The following TAB1 variants were observed in gnomAD, a reference collection of about 807,000 sequenced individuals.
TAB1 encodes the protein TGF-beta activated kinase 1 (MAP3K7) binding protein 1.
In TAB1, 30 loss-of-function variants were observed where a neutral mutation model predicts 54.5. That is an observed-to-expected ratio of 0.55 (90% CI 0.41 to 0.75). The LOEUF is 0.75. TAB1 is among the 30% of genes least tolerant of loss of function. TAB1 has a pLI of 0.00. For synonymous variants in TAB1, 289 were observed against 286.9 expected (o/e 1.01, Z -0.07); for missense variants, 609 against 683.2 (o/e 0.89, Z 1.21).
chr22:39,433,462 A>AG (rs1236876736), downstream of TAB1: 1 of 984,140 alleles, frequency 1.0e-6, no homozygotes, highest in African/African-American at 1.8e-5. Flanking sequence ...CAAGAAAAAA[A>AG]AAAAAGACAT....
chr22:39,403,377 A>G (rs1569191758), intron 1 of TAB1, among the ~76,000 whole-genome samples: 1 of 152,220 alleles, frequency 6.6e-6, no homozygotes, highest in East Asian at 1.9e-4. Context: ...AAACGGGGAA[A>G]TGGGGGCAGC....
At chr22:39,408,127 T>G (rs1385956888) in intron 1 of TAB1, among the ~76,000 whole-genome samples, 1 of 152,228 alleles carries the variant, frequency 6.6e-6, no homozygotes, top group African/African-American at 2.4e-5. Flanking sequence ...GTTTATAAAA[T>G]AATAAATTCC....
chr22:39,426,499 C>T (rs1927343306), intron 8 of TAB1, among the ~76,000 whole-genome samples: 1 of 152,220 alleles, frequency 6.6e-6, no homozygotes, highest in Non-Finnish European at 1.5e-5. Flanking sequence ...ATCACAAGAG[C>T]ACACACTTCC....
At chr22:39,426,598 G>A in intron 8 of TAB1, 105 bp from the exon 9 acceptor site, 1 of 1,004,100 alleles carries the variant, frequency 1.0e-6, no homozygotes, top group South Asian at 1.6e-5. Context: ...TCACCTGCTG[G>A]GCTGTTGACC....
At chr22:39,425,033 C>T (rs1268307625) in intron 8 of TAB1, among the ~76,000 whole-genome samples, 1 of 152,250 alleles carries the variant, frequency 6.6e-6, no homozygotes, top group East Asian at 1.9e-4. Flanking sequence ...CTCCCATACC[C>T]CTACAACCAT....
At chr22:39,411,980 A>G (rs1280472074) in intron 1 of TAB1, among the ~76,000 whole-genome samples, 2 of 152,224 alleles carry the variant, frequency 1.3e-5, no homozygotes, top group African/African-American at 4.8e-5. Flanking sequence ...AGCCAGTCTC[A>G]GGAGGTCATG....
At chr22:39,417,684 G>T in intron 4 of TAB1, 27 bp from the exon 5 acceptor site, 1 of 1,588,240 alleles carries the variant, frequency 6.3e-7, no homozygotes, top group Non-Finnish European at 8.6e-7. Flanking sequence ...GTTCTGTCCT[G>T]CCCTGACCCT....
At chr22:39,401,225 A>G (rs576023216) in intron 1 of TAB1, among the ~76,000 whole-genome samples, 29 of 152,316 alleles carry the variant, frequency 1.9e-4, no homozygotes, top group African/African-American at 7.0e-4. Flanking sequence ...GTGAGTAGAC[A>G]TTGGCTCAGG....
chr22:39,431,887 G>T, downstream of TAB1: 1 of 985,322 alleles, frequency 1.0e-6, no homozygotes, highest in Non-Finnish European at 1.2e-6. Flanking sequence ...TATTAATAGC[G>T]CTGTTGCTCA....
intron 6 of TAB1, 61 bp from the exon 7 acceptor site, chr22:39,419,458 C>T: frequency 1.4e-6 from 2 of 1,381,130 alleles, no homozygotes; most frequent in South Asian, 1.3e-5. Flanking sequence ...GTCTCTGTCC[C>T]CTTCTTTTTG....
At chr22:39,411,518 A>G (rs961451885) in intron 1 of TAB1, among the ~76,000 whole-genome samples, 5 of 152,250 alleles carry the variant, frequency 3.3e-5, no homozygotes, top group Admixed American at 3.3e-4. Context: ...TAGGAAGTGC[A>G]GATTAAAGTC....
chr22:39,425,218 C>T (rs975474197), intron 8 of TAB1, among the ~76,000 whole-genome samples: 1 of 124,464 alleles, frequency 8.0e-6, no homozygotes. Context: ...ACTAAAAATA[C>T]AAAAAAAAAA....
downstream of TAB1, chr22:39,433,553 G>A: frequency 1.0e-6 from 1 of 985,454 alleles, no homozygotes; most frequent in Non-Finnish European, 1.2e-6. Context: ...CAGGACGGGG[G>A]CAGGTGGTCT....
intron 1 of TAB1, among the ~76,000 whole-genome samples, chr22:39,411,997 G>A (rs2145663164): frequency 6.6e-6 from 1 of 152,296 alleles, no homozygotes; most frequent in Non-Finnish European, 1.5e-5. Context: ...CATGTTTACT[G>A]CATCATTTCA....
At position 39,415,552 on chromosome 22, in the gene TAB1, C is replaced by T. The variant is rs1489899426; in HGVS notation, c.223C>T (p.Arg75Ter). ...GGTCTTCAACGGCTATGATGGCAAC[C>T]GAGTGACCAACTTCGTGGCCCAGCG... ...YGVFNGYDGNRVTNFVAQRLS... is the reference protein window; with the variant it reads ...YGVFNGYDGN The change falls in exon 3 of 11, where the codon CGA (arginine) becomes TGA (stop). Residue 75 changes from arginine (R) to a stop codon, truncating the protein, a stop_gained. Coordinates refer to ENST00000216160, the MANE Select transcript of TAB1 (RefSeq NM_006116.3). LOFTEE classifies it high-confidence loss of function. The surrounding 1 kb of genome is among the most constrained non-coding windows in gnomAD (Gnocchi z 4.9). 4.3e-6 allele frequency: 7 copies of T among 1,614,222 alleles called. No homozygotes were observed. The highest frequency in any genetic ancestry group is 5.9e-6 in the Non-Finnish European group (7 of 1,180,044).
chr22:39,399,842 A>G lies in TAB1; in HGVS notation c.33+7A>G, dbSNP rs186023893. 2 of 1,595,804 alleles carry G rather than the reference A, an allele frequency of 1.3e-6. No individual in the cohort carries two copies. The highest frequency in any genetic ancestry group is 2.3e-5 in the East Asian group (1 of 44,118). On this transcript the variant is annotated splice_region_variant and intron_variant, in intron 1 of 10. Transcript: ENST00000216160. The stretch of plus-strand genomic sequence containing the variant: ...GAGGAGCTTGCTGCAGAGTGTGAGG[A>G]ACAGGCCCGCTCTCTGGGCTTGGGG...
chr22:39,431,247 C>T lies in TAB1; in HGVS notation c.*1025C>T. The T allele has an allele frequency of 1.0e-6, 1 of 985,540 alleles. No individual in the cohort carries two copies. 61.0% of individuals were successfully genotyped at this position (985,540 alleles called of 1,614,324 possible). ...AGGGTCGGGCCAGCCCAGCCCAGGG[C>T]CTGAGTTAGACTATTTCCCACATGT... On this transcript the variant is annotated 3_prime_UTR_variant, in exon 11 of 11. Transcript: ENST00000216160.
Position 39,415,756 on chromosome 22 carries a change from C to T in TAB1, c.324+103C>T, listed in dbSNP as rs1926805777. ...TGTTGCCAGGGTTGGTGTGAAGATCCTGCCGGCCCCTTCACCCCAGTAGAG... is the reference window on the plus strand; with the variant it reads ...TGTTGCCAGGGTTGGTGTGAAGATCTTGCCGGCCCCTTCACCCCAGTAGAG... On this transcript the variant is annotated intron_variant, in intron 3 of 10. Coordinates refer to ENST00000216160, the MANE Select transcript of TAB1 (RefSeq NM_006116.3). This position sits in a 1 kb window ranked among gnomAD's most constrained non-coding sequence, Gnocchi z 4.9. 7.0e-7 allele frequency: 1 copy of T among 1,431,974 alleles called. No individual in the cohort carries two copies. Among genetic ancestry groups the T allele is most frequent in the African/African-American group, 1.4e-5 (1 of 71,386 alleles). The allele number at this position is 1,431,974 out of a possible 1,614,324, so 88.7% of individuals were successfully genotyped here. A position where few individuals can be genotyped will look rare whatever the true frequency, so the allele number is the denominator to read the frequency against.
chr22:39,407,587 G>A (rs1238595238), intron 1 of TAB1, among the ~76,000 whole-genome samples: 1 of 151,838 alleles, frequency 6.6e-6, no homozygotes, highest in Non-Finnish European at 1.5e-5. Context: ...GGGTTCCAGC[G>A]ATTCTCCTTC....
Sources: allele counts gnomAD v4.1 joint callset (sites outside exome capture counted in the v4.1 genomes callset), GRCh38; gene constraint gnomAD v4.1.1; non-coding constraint Gnocchi (gnomAD v3.1); transcripts MANE v1.5; gene names NCBI Gene and HGNC (gene_info 2026-07-23, HGNC 2026-07-21).